ACTR5: variants seen among roughly 807,000 people sequenced by gnomAD.
ACTR5 encodes the protein actin-related protein 5.
Under a neutral mutation model 61.2 loss-of-function variants are expected in ACTR5, and 43 were observed. The observed-to-expected ratio is 0.70, with a 90% confidence interval of 0.55 to 0.91. The LOEUF is 0.91. Among genes scored for constraint, ACTR5 ranks in the 40% least tolerant of loss-of-function variants. The probability of loss-of-function intolerance (pLI) is 0.00; values close to 1 mark genes in which losing one functional copy is unlikely to be tolerated. For synonymous variants in ACTR5, 333 were observed against 310.5 expected (o/e 1.07, Z -0.76); for missense variants, 798 against 782.2 (o/e 1.02, Z -0.24).
chr20:38,757,009 C>G (rs779177403), intron 5 of ACTR5, among the ~76,000 whole-genome samples: 17 of 152,242 alleles, frequency 1.1e-4, no homozygotes, highest in Non-Finnish European at 2.5e-4. Context: ...AATATAACCT[C>G]AGACTCCTGG....
chr20:38,754,692 T>C (rs537969999), intron 3 of ACTR5, among the ~76,000 whole-genome samples: 1 of 152,032 alleles, frequency 6.6e-6, no homozygotes, highest in Non-Finnish European at 1.5e-5. Context: ...GCACTCCAGC[T>C]AGGTGACAGG....
intron 5 of ACTR5, among the ~76,000 whole-genome samples, chr20:38,758,936 T>C (rs1247008907): frequency 1.3e-5 from 2 of 152,254 alleles, no homozygotes; most frequent in African/African-American, 2.4e-5. Context: ...ATTTAACTAA[T>C]AGAGGTCTCG....
At position 38,754,876 on chromosome 20, in the gene ACTR5, C is replaced by A. The variant is rs1197433229; in HGVS notation, c.776-81C>A. 178 of 1,455,570 alleles carry A rather than the reference C, an allele frequency of 1.2e-4. 5 individuals carry two copies. The South Asian group carries it at 1.6e-3, about 13-fold the overall frequency. 90.2% of individuals were successfully genotyped at this position (1,455,570 alleles called of 1,614,324 possible). A position where few individuals can be genotyped will look rare whatever the true frequency, so the allele number is the denominator to read the frequency against. On this transcript the variant is annotated intron_variant, in intron 3 of 8. Transcript: ENST00000243903. ...AGTGCTGGGATTACAGGCGTGAGCCCCTGCGCCCAGCTGGTATTGACTTTA... is the reference window on the plus strand; with the variant it reads ...AGTGCTGGGATTACAGGCGTGAGCCACTGCGCCCAGCTGGTATTGACTTTA...
chr20:38,768,891 G>A (rs1291666330), intron 8 of ACTR5, among the ~76,000 whole-genome samples: 1 of 152,172 alleles, frequency 6.6e-6, no homozygotes, highest in Non-Finnish European at 1.5e-5. Flanking sequence ...AGCAGGGAAT[G>A]TGATCTGATT....
rs371726552 is a variant in ACTR5, at chr20:38,755,184, G to A, written c.993+10G>A. ...ACTGCTATATGTGCAGGTAATAGCA[G>A]ACACAGGGACGGGCGCCCTTCCGTG... On this transcript the variant is annotated intron_variant, in intron 4 of 8. Transcript: ENST00000243903. 11 of 1,580,264 alleles carry A rather than the reference G, an allele frequency of 7.0e-6. No homozygotes were observed. The highest frequency in any genetic ancestry group is 9.5e-6 in the Non-Finnish European group (11 of 1,163,614).
At chr20:38,748,995 G>T in intron 1 of ACTR5, 142 bp downstream of exon 1, 1 of 1,058,948 alleles carries the variant, frequency 9.4e-7, no homozygotes. Context: ...AGGCGCTGTG[G>T]GTGTAGCAGC....
intron 1 of ACTR5, 28 bp downstream of exon 1, chr20:38,748,881 C>A: frequency 1.3e-6 from 2 of 1,584,824 alleles, no homozygotes; most frequent in South Asian, 1.1e-5. Context: ...CTGGGCTGGG[C>A]TGGGTTTGAG....
intron 2 of ACTR5, among the ~76,000 whole-genome samples, chr20:38,751,182 A>G (rs1157116305): frequency 6.6e-6 from 1 of 152,334 alleles, no homozygotes; most frequent in Admixed American, 6.5e-5. Flanking sequence ...CTGGGTTTGC[A>G]GCTCTGCTAC....
intron 5 of ACTR5, among the ~76,000 whole-genome samples, chr20:38,762,925 C>G (rs1002990103): frequency 6.8e-4 from 103 of 152,244 alleles, no homozygotes; most frequent in African/African-American, 2.4e-3. Flanking sequence ...TGTCTTCAAC[C>G]CAGTAATACA....
chr20:38,749,057 T>C (rs1368251832), intron 1 of ACTR5, among the ~76,000 whole-genome samples: 1 of 152,256 alleles, frequency 6.6e-6, no homozygotes, highest in African/African-American at 2.4e-5. Context: ...GCATATATGC[T>C]TGTTTGTTAA....
intron 2 of ACTR5, among the ~76,000 whole-genome samples, chr20:38,751,476 A>G (rs1601193284): frequency 6.6e-6 from 1 of 152,334 alleles, no homozygotes; most frequent in African/African-American, 2.4e-5. Flanking sequence ...ATTGAGAGAA[A>G]ATTACCTGAA....
At position 38,755,103 on chromosome 20, in the gene ACTR5, C is replaced by G; in HGVS notation, c.922C>G (p.Leu308Val). The change falls in exon 4 of 9, where the codon CTC becomes GTC. Residue 308 changes from leucine (L) to valine (V), a missense_variant. Coordinates refer to ENST00000243903, the MANE Select transcript of ACTR5 (RefSeq NM_024855.4). ...RQQQLRRLQELNARRREEKLQ... is the reference protein window; with the variant it reads ...RQQQLRRLQEVNARRREEKLQ... Reference sequence around the variant, plus strand: ...GCAGCAATTGCGGCGGCTGCAGGAGCTCAATGCCCGGCGGCGGGAGGAGAA... The same window carrying G: ...GCAGCAATTGCGGCGGCTGCAGGAGGTCAATGCCCGGCGGCGGGAGGAGAA... The G allele has an allele frequency of 6.2e-7, 1 of 1,614,174 alleles. No homozygotes were observed. The highest frequency in any genetic ancestry group is 8.5e-7 in the Non-Finnish European group (1 of 1,180,006).
Position 38,750,243 on chromosome 20 carries a change from A to G in ACTR5, c.605+4A>G. 6.2e-7 allele frequency: 1 copy of G among 1,611,132 alleles called. No individual in the cohort carries two copies. Among genetic ancestry groups the G allele is most frequent in the Non-Finnish European group, 8.5e-7 (1 of 1,178,142 alleles). ...TTTTACCCATCTTAGAAGGGAGGTG[A>G]GTTGCACTTGTGGCATTTGAGTGCG... is the stretch of plus-strand genomic sequence containing the variant. On this transcript the variant is annotated splice_donor_region_variant and intron_variant, in intron 2 of 8. Transcript: ENST00000243903.
intron 5 of ACTR5, among the ~76,000 whole-genome samples, chr20:38,762,602 G>A (rs1006050008): frequency 6.6e-6 from 1 of 152,180 alleles, no homozygotes; most frequent in African/African-American, 2.4e-5. Context: ...AGAGTACTGG[G>A]AGGCATCCTT....
At chr20:38,754,207 A>G (rs1351717448) in intron 3 of ACTR5, among the ~76,000 whole-genome samples, 1 of 152,144 alleles carries the variant, frequency 6.6e-6, no homozygotes, top group Admixed American at 6.5e-5. Flanking sequence ...GATTTTTATC[A>G]TTTCTGTTGC....
In ACTR5 at chr20:38,748,793, C is replaced by T. The variant is rs1225153675; in HGVS notation, c.315C>T (p.Asn105=). The change falls in exon 1 of 9, where the codon AAC becomes AAT. Residue 105 remains asparagine, a synonymous_variant. Transcript: ENST00000243903. ...RSPFDRNVPV[N]LELQELLLDY... is the part of the protein sequence containing the mutation. ...CCTTCGACCGCAACGTGCCGGTCAA[C>T]CTGGAGCTTCAGGAGTTGCTGCTGG... 6 of 1,609,334 alleles carry T rather than the reference C, an allele frequency of 3.7e-6. 1 individual carries two copies. The South Asian group carries it at 6.6e-5, about 18-fold the overall frequency.
In ACTR5 at chr20:38,748,835, C is replaced by T. The variant is rs1292544801; in HGVS notation, c.357C>T (p.His119=). 3 of 1,607,708 alleles carry T rather than the reference C, an allele frequency of 1.9e-6. No individual in the cohort carries two copies. The South Asian group carries it at 3.3e-5, about 18-fold the overall frequency. ...TGCTGCTGGACTACAGCTTCCAGCA[C>T]CTGGGTGTCTCCTCACAGGTGAAGG... ...QELLLDYSFQ[H]LGVSSQGCVD... Residue 119 remains histidine (H), a synonymous_variant, in exon 1 of 9, where the codon CAC becomes CAT. Coordinates refer to ENST00000243903, the MANE Select transcript of ACTR5 (RefSeq NM_024855.4).
intron 5 of ACTR5, chr20:38,761,430 A>C (rs1247122009): frequency 2.0e-5 from 3 of 152,232 alleles, no homozygotes; most frequent in Non-Finnish European, 4.4e-5. Flanking sequence ...AAGGAAGCCA[A>C]AAGGGTTGAT....
At chr20:38,760,197 G>A (rs1055904398) in intron 5 of ACTR5, among the ~76,000 whole-genome samples, 1 of 151,620 alleles carries the variant, frequency 6.6e-6, no homozygotes. Context: ...TCAGTAGGTA[G>A]CAAAAGGAGG....
Sources: allele counts gnomAD v4.1 joint callset (sites outside exome capture counted in the v4.1 genomes callset), GRCh38; gene constraint gnomAD v4.1.1; transcripts MANE v1.5; gene names NCBI Gene and HGNC (gene_info 2026-07-23, HGNC 2026-07-21).